The following GPR89B variants were observed in gnomAD, a reference collection of about 807,000 sequenced individuals.
GPR89B encodes the protein G protein-coupled receptor 89B.
A neutral mutation model predicts 52.4 loss-of-function variants in GPR89B; 25 were observed. The observed-to-expected ratio is 0.48, with a 90% CI of 0.35 to 0.67. GPR89B has a LOEUF of 0.67. Among genes scored for constraint, GPR89B ranks in the 30% least tolerant of loss-of-function variants. GPR89B has a pLI of 0.01. For synonymous variants in GPR89B, 52 were observed against 151.2 expected (o/e 0.34, Z 4.81); for missense variants, 146 against 450.2 (o/e 0.32, Z 6.11).
the GPR89B span, among the ~76,000 whole-genome samples, chr1:148,009,947 GA>G: frequency 6.6e-6 from 1 of 151,922 alleles, no homozygotes; most frequent in African/African-American, 2.4e-5. Flanking sequence ...ATTCGGACAT[GA>G]GATGCATTCA....
intron 10 of GPR89B, among the ~76,000 whole-genome samples, chr1:147,972,826 G>A (rs1322986860): frequency 2.7e-5 from 4 of 148,400 alleles, no homozygotes; most frequent in Non-Finnish European, 5.9e-5. Flanking sequence ...CCCCGCCTTC[G>A]ACAGGTCCCA....
the GPR89B span, among the ~76,000 whole-genome samples, chr1:148,019,597 A>G: frequency 1.3e-5 from 2 of 152,074 alleles, no homozygotes; most frequent in Admixed American, 1.3e-4. Context: ...AGTTGGAAAT[A>G]AAAAATGTAA....
chr1:148,013,674 G>A, the GPR89B span, among the ~76,000 whole-genome samples: 2 of 151,962 alleles, frequency 1.3e-5, no homozygotes, highest in East Asian at 3.9e-4. Context: ...AGGAGTCCTG[G>A]GCCCTGAGCC....
the GPR89B span, among the ~76,000 whole-genome samples, chr1:148,023,345 A>T: frequency 6.8e-6 from 1 of 146,080 alleles, no homozygotes; most frequent in Non-Finnish European, 1.5e-5. Context: ...TCCACCATTG[A>T]TGGGCACCTA....
chr1:147,968,881 C>T lies in GPR89B; in HGVS notation c.734C>T (p.Thr245Ile), dbSNP rs1328664982. 4.3e-6 allele frequency: 7 copies of T among 1,612,468 alleles called. No individual in the cohort carries two copies. In the African/African-American group the frequency reaches 9.4e-5, roughly 22 times the overall value. The change falls in exon 9 of 14, where the codon ACT (threonine) becomes ATT (isoleucine). Residue 245 changes from threonine (T) to isoleucine (I), a missense_variant. Transcript: ENST00000314163. ...GATGCCCATTCTGTGCCAGATCTTA[C>T]TCTTATTCAACAGGAAGTGGATGCT... is the stretch of plus-strand genomic sequence containing the variant. ...TTSASGSENLTLIQQEVDALE... is the reference protein window; with the variant it reads ...TTSASGSENLILIQQEVDALE...
the GPR89B span, among the ~76,000 whole-genome samples, chr1:148,004,924 CAT>C: frequency 3.9e-3 from 474 of 120,158 alleles, 25 homozygotes; most frequent in South Asian, 0.024. Flanking sequence ...CACACACACA[CAT>C]AAAAATTAGC....
At chr1:148,014,480 T>A in the GPR89B span, 3 of 151,080 alleles carry the variant, frequency 2.0e-5, no homozygotes, top group African/African-American at 7.4e-5. Flanking sequence ...GGGCCCCGCA[T>A]GTGGAGAAAT....
intron 1 of GPR89B, among the ~76,000 whole-genome samples, chr1:147,930,155 C>G (rs1239695471): frequency 1.3e-5 from 2 of 152,192 alleles, no homozygotes; most frequent in African/African-American, 4.8e-5. Flanking sequence ...TAGACTTTCA[C>G]TTCACACATG....
chr1:148,011,647 G>A, the GPR89B span: 2 of 152,234 alleles, frequency 1.3e-5, no homozygotes, highest in African/African-American at 2.4e-5. Context: ...GGGAGCAGCG[G>A]AGACAGAGTC....
chr1:147,990,110 T>A (rs1156862606), intron 12 of GPR89B, among the ~76,000 whole-genome samples: 4 of 152,186 alleles, frequency 2.6e-5, no homozygotes, highest in Non-Finnish European at 5.9e-5. Flanking sequence ...TTTCTCCACA[T>A]CCTCTCCAGC....
At chr1:147,932,462 T>G (rs1553247197) in intron 1 of GPR89B, among the ~76,000 whole-genome samples, 1 of 152,080 alleles carries the variant, frequency 6.6e-6, no homozygotes, top group Non-Finnish European at 1.5e-5. Context: ...CGCCAGGAGT[T>G]TAACCCTCAG....
At chr1:148,005,818 TG>T in the GPR89B span, among the ~76,000 whole-genome samples, 1 of 152,080 alleles carries the variant, frequency 6.6e-6, no homozygotes, top group South Asian at 2.1e-4. Context: ...CTACATGTTT[TG>T]TGGCTGTCCA....
rs1553249280 is a variant in GPR89B at position 147,943,564 on chromosome 1, A to G, written c.313+20A>G. The G allele has an allele frequency of 1.2e-6, 2 of 1,613,238 alleles. No homozygotes were observed. Among genetic ancestry groups the G allele is most frequent in the Admixed American group, 1.7e-5 (1 of 60,006 alleles). ...GACTACGTAAGTATTTTACCCTCTC[A>G]GTCAGCGTATAGATTGAGATGAGTA... On this transcript the variant is annotated intron_variant, in intron 4 of 13. Coordinates refer to ENST00000314163, the MANE Select transcript of GPR89B (RefSeq NM_016334.5).
chr1:148,017,445 T>C, the GPR89B span, among the ~76,000 whole-genome samples: 1 of 150,884 alleles, frequency 6.6e-6, no homozygotes, highest in Non-Finnish European at 1.5e-5. Context: ...CATTTTAAAG[T>C]TGTTTTAGGC....
At chr1:147,965,461 G>T (rs1212347104) in intron 7 of GPR89B, among the ~76,000 whole-genome samples, 5 of 151,962 alleles carry the variant, frequency 3.3e-5, no homozygotes, top group Non-Finnish European at 5.9e-5. Flanking sequence ...TTCATTTTAT[G>T]CCTGTAGGCC....
At chr1:147,937,685 A>G (rs1453938046) in intron 2 of GPR89B, among the ~76,000 whole-genome samples, 1 of 151,958 alleles carries the variant, frequency 6.6e-6, no homozygotes, top group Non-Finnish European at 1.5e-5. Context: ...ATTCTGCCCA[A>G]CCCTGCAAGC....
At chr1:147,970,541 A>ATCTCTC (rs1230663138) in intron 10 of GPR89B, among the ~76,000 whole-genome samples, 3 of 94,590 alleles carry the variant, frequency 3.2e-5, no homozygotes, top group South Asian at 3.8e-4. Context: ...CTCTATCTCT[A>ATCTCTC]TCTCTCTCTC....
chr1:147,932,118 C>T (rs1343208597), intron 1 of GPR89B, among the ~76,000 whole-genome samples: 1 of 151,844 alleles, frequency 6.6e-6, no homozygotes, highest in African/African-American at 2.4e-5. Flanking sequence ...TACATACCAC[C>T]ATCAGTCCTA....
rs190527045 is a variant in GPR89B, at chr1:147,951,710, G to A, written c.416-1635G>A. Among the ~76,000 whole-genome samples the A allele has an allele frequency of 3.5e-4, 53 of 152,066 alleles. 1 individual carries two copies. The highest frequency in any genetic ancestry group is 1.5e-3 in the East Asian group (8 of 5,174). Reference sequence around the variant, plus strand: ...TGACTTCTAGTTCCAAGATGGTGGCGTAGGGGCAAGCTGGCTTTGCTTACC... The same window carrying A: ...TGACTTCTAGTTCCAAGATGGTGGCATAGGGGCAAGCTGGCTTTGCTTACC... On this transcript the variant is annotated intron_variant, in intron 5 of 13. Transcript: ENST00000314163.
Sources: gnomAD v4.1 joint callset for allele counts (sites outside exome capture counted in the v4.1 genomes callset) on GRCh38, gnomAD v4.1.1 for gene constraint, MANE v1.5 for transcripts, NCBI Gene and HGNC (gene_info 2026-07-23, HGNC 2026-07-21) for gene names.